MAP3K20: variants seen among roughly 807,000 people sequenced by gnomAD.
MAP3K20 encodes mitogen-activated protein kinase kinase kinase 20, also known as HCCS-4.
MAP3K20 carries 40 observed loss-of-function variants against 85.7 expected under a neutral mutation model. That is an observed-to-expected ratio of 0.47 (90% confidence interval 0.36 to 0.61). The LOEUF (loss-of-function observed/expected upper bound fraction) is 0.61. MAP3K20 is among the 20% of genes least tolerant of loss of function. The probability of loss-of-function intolerance (pLI) is 0.00; values close to 1 mark genes in which losing one functional copy is unlikely to be tolerated. For missense variants in MAP3K20, 817 were observed against 961.7 expected, an observed-to-expected ratio of 0.85 and a Z score of 1.99; for synonymous variants, 325 against 327.7, an observed-to-expected ratio of 0.99 and a Z score of 0.09.
chr2:173,091,299 G>T, intron 2 of MAP3K20, 109 bp downstream of exon 2: 3 of 1,112,270 alleles, frequency 2.7e-6, no homozygotes, highest in Admixed American at 2.7e-5. Flanking sequence ...AAGGCCTTTG[G>T]GACTGATCCA....
chr2:173,097,321 A>G (rs1687492101), intron 2 of MAP3K20, among the ~76,000 whole-genome samples: 1 of 152,178 alleles, frequency 6.6e-6, no homozygotes, highest in Admixed American at 6.5e-5. Context: ...GTGCCAGTGC[A>G]CTCCAGCCTG....
intron 4 of MAP3K20, among the ~76,000 whole-genome samples, chr2:173,185,217 G>T (rs1165656030): frequency 6.6e-6 from 1 of 152,060 alleles, no homozygotes; most frequent in Non-Finnish European, 1.5e-5. Context: ...CTCCAGCCTG[G>T]GCGACCGAGT....
At chr2:173,114,495 G>A (rs549883190) in intron 2 of MAP3K20, among the ~76,000 whole-genome samples, 1 of 152,038 alleles carries the variant, frequency 6.6e-6, no homozygotes, top group Admixed American at 6.6e-5. Context: ...TTGTTTTATA[G>A]GTCCTGTGTG....
In MAP3K20 at chr2:173,111,618, A is replaced by T. The variant is rs1274001444; in HGVS notation, c.159+20428A>T. Among the ~76,000 whole-genome samples the T allele has an allele frequency of 2.0e-5, 3 of 152,156 alleles. No individual in the cohort carries two copies. The East Asian group carries it at 5.8e-4, about 29-fold the overall frequency. On this transcript the variant is annotated intron_variant, in intron 2 of 19. Coordinates refer to ENST00000375213, the MANE Select transcript of MAP3K20 (RefSeq NM_016653.3). ...TTTTTATATAAGGTGAGAGATGAGG[A>T]TCCAGTTTCATTCTCCTACATGTGG... is the stretch of plus-strand genomic sequence containing the variant.
intron 3 of MAP3K20, among the ~76,000 whole-genome samples, chr2:173,173,680 C>T (rs1358485274): frequency 6.6e-6 from 1 of 152,146 alleles, no homozygotes; most frequent in Non-Finnish European, 1.5e-5. Context: ...ACAAGTGTCA[C>T]ATTTTGTTAT....
At chr2:173,209,701 G>A (rs575209291) in intron 9 of MAP3K20, 28 bp from the exon 10 acceptor site, 56 of 1,578,036 alleles carry the variant, frequency 3.5e-5, no homozygotes, top group Middle Eastern at 3.4e-4. Context: ...AAGTCCCAGC[G>A]AATGATTACT....
At position 173,266,365 on chromosome 2, in the gene MAP3K20, A is replaced by G; in HGVS notation, c.2018A>G (p.Tyr673Cys). 1 of 1,614,140 alleles carries G rather than the reference A, an allele frequency of 6.2e-7. No homozygotes were observed. Among genetic ancestry groups the G allele is most frequent in the Non-Finnish European group, 8.5e-7 (1 of 1,180,012 alleles). ...GACACCTCTTCAGAGAGGGGTCGAT[A>G]CTCAGACAGAAGCAGGAACAAATAT... ...NTDTSSERGRYSDRSRNKYGR... is the reference protein window; with the variant it reads ...NTDTSSERGRCSDRSRNKYGR... Residue 673 changes from tyrosine (Y) to cysteine (C), a missense_variant, in exon 20 of 20, where the codon TAC (tyrosine) becomes TGC (cysteine). Coordinates refer to ENST00000375213, the MANE Select transcript of MAP3K20 (RefSeq NM_016653.3).
intron 8 of MAP3K20, among the ~76,000 whole-genome samples, chr2:173,201,212 A>G (rs535290239): frequency 3.3e-5 from 5 of 152,350 alleles, no homozygotes; most frequent in African/African-American, 9.6e-5. Flanking sequence ...TCATATTTCT[A>G]ATATTAAATC....
intron 2 of MAP3K20, chr2:173,166,890 T>G (rs939465777): frequency 6.6e-6 from 1 of 151,540 alleles, no homozygotes. Flanking sequence ...TTACTACACA[T>G]TTATTGCAAC....
At chr2:173,134,428 A>ATATATATTTT (rs56330241) in intron 2 of MAP3K20, among the ~76,000 whole-genome samples, 1 of 3,156 alleles carries the variant, frequency 3.2e-4, no homozygotes, top group Non-Finnish European at 6.4e-4. Flanking sequence ...ATATATATAT[A>ATATATATTTT]TTTTTTTTTT....
chr2:173,236,266 TA>T (rs67764486), intron 14 of MAP3K20, among the ~76,000 whole-genome samples: 25,108 of 63,866 alleles, frequency 0.39, 2,709 homozygotes, highest in East Asian at 0.6. Flanking sequence ...AGACCCTGTC[TA>T]AAAAAAAAAA....
intron 11 of MAP3K20, chr2:173,224,030 G>A (rs748864556): frequency 6.1e-6 from 6 of 983,560 alleles, no homozygotes; most frequent in African/African-American, 1.7e-5. Context: ...CTGGAAGATA[G>A]CTAGATGAAA....
At chr2:173,134,088 T>C (rs1412046299) in intron 2 of MAP3K20, among the ~76,000 whole-genome samples, 2 of 151,434 alleles carry the variant, frequency 1.3e-5, no homozygotes, top group Non-Finnish European at 1.5e-5. Flanking sequence ...CCAGAGATTC[T>C]CAGTATGGGA....
Position 173,256,502 on chromosome 2 carries a change from T to TAGAC in MAP3K20, c.1360-2194_1360-2193insCAGA, listed in dbSNP as rs1230458073. 5.2e-5 allele frequency among the ~76,000 whole-genome samples: 7 copies of TAGAC among 134,700 alleles called. No homozygotes were observed. The South Asian group carries it at 1.7e-3, about 32-fold the overall frequency. 88.4% of individuals were successfully genotyped at this position (134,700 alleles called of 152,430 possible). On this transcript the variant is annotated intron_variant, in intron 16 of 19. Coordinates refer to ENST00000375213, the MANE Select transcript of MAP3K20 (RefSeq NM_016653.3). ...AAAAATAGATAGATAGATAGATAGATAGATAGATAGATAGATAGATAGATA... is the reference window on the plus strand; with the variant it reads ...AAAAATAGATAGATAGATAGATAGATAGACAGATAGATAGATAGATAGATAGATA...
chr2:173,250,850 T>C (rs1032276632), intron 16 of MAP3K20, among the ~76,000 whole-genome samples: 4 of 152,162 alleles, frequency 2.6e-5, no homozygotes, highest in Admixed American at 6.5e-5. Context: ...GACAAAGCCA[T>C]GGTGGGTCAT....
chr2:173,102,284 C>T (rs1687659259), intron 2 of MAP3K20, among the ~76,000 whole-genome samples: 1 of 152,178 alleles, frequency 6.6e-6, no homozygotes, highest in Non-Finnish European at 1.5e-5. Context: ...CATTCCTACC[C>T]TACTTTATAG....
At chr2:173,137,378 G>A (rs1431924756) in intron 2 of MAP3K20, among the ~76,000 whole-genome samples, 1 of 151,600 alleles carries the variant, frequency 6.6e-6, no homozygotes, top group Non-Finnish European at 1.5e-5. Context: ...TAGTGTAGAT[G>A]TGTACAGAAG....
intron 2 of MAP3K20, among the ~76,000 whole-genome samples, chr2:173,148,055 A>G (rs982929589): frequency 1.3e-5 from 2 of 152,166 alleles, no homozygotes; most frequent in African/African-American, 4.8e-5. Context: ...GCCTCACAGA[A>G]AGACTCAAAA....
chr2:173,183,178 T>C (rs1270640605), intron 4 of MAP3K20, among the ~76,000 whole-genome samples: 1 of 152,214 alleles, frequency 6.6e-6, no homozygotes, highest in Non-Finnish European at 1.5e-5. Flanking sequence ...ACTTTATTTC[T>C]ATCCACGAAA....
Sources: gnomAD v4.1 joint callset for allele counts (sites outside exome capture counted in the v4.1 genomes callset) on GRCh38, gnomAD v4.1.1 for gene constraint, MANE v1.5 for transcripts, NCBI Gene and HGNC (gene_info 2026-07-23, HGNC 2026-07-21) for gene names.